DRGX: variants seen among roughly 807,000 people sequenced by gnomAD.
The protein encoded by DRGX is dorsal root ganglia homeobox, also known as dorsal root ganglia homeobox protein.
Under a neutral mutation model 28.6 loss-of-function variants are expected in DRGX, and 21 were observed. The observed-to-expected ratio is 0.73, with a 90% confidence interval of 0.52 to 1.06. DRGX has a LOEUF of 1.06. DRGX is among the 50% of genes least tolerant of loss of function. DRGX has a pLI of 0.00. For missense variants in DRGX, 354 were observed against 343.9 expected (o/e 1.03, Z -0.23); for synonymous variants, 136 against 139.1 (o/e 0.98, Z 0.16).
At chr10:49,380,702 T>C (rs566603720) in intron 6 of DRGX, among the ~76,000 whole-genome samples, 1 of 152,202 alleles carries the variant, frequency 6.6e-6, no homozygotes, top group African/African-American at 2.4e-5. Context: ...TGGTCAAAAA[T>C]TGGAGCAACA....
rs374285988 is a variant in DRGX, at chr10:49,386,729, G to A, written c.364C>T (p.Pro122Ser). 129 of 1,603,436 alleles carry A rather than the reference G, an allele frequency of 8.0e-5. 1 individual carries two copies. In the African/African-American group the frequency reaches 1.5e-3, roughly 18 times the overall value. The change falls in exon 5 of 7, where the codon CCT becomes TCT. Residue 122 changes from proline (P) to serine (S), a missense_variant. Pro to Ser is a moderately conservative substitution (Grantham distance 74). Coordinates refer to ENST00000374139, the MANE Select transcript of DRGX (RefSeq NM_001276451.2). ...PPVRNINSPP[P>S]GDQARSKKEA... ...TTCTTACTCCGGGCTTGGTCCCCAG[G>A]GGGCGGGGAGTTGATGTTTCTCACT... is the stretch of plus-strand genomic sequence containing the variant.
chr10:49,371,791 C>CAAAAAAAAA (rs563658320), intron 6 of DRGX, among the ~76,000 whole-genome samples: 1 of 45,492 alleles, frequency 2.2e-5, no homozygotes, highest in Non-Finnish European at 4.9e-5. Flanking sequence ...GACTCCATCT[C>CAAAAAAAAA]AAAAAAAAAA....
intron 6 of DRGX, among the ~76,000 whole-genome samples, chr10:49,379,235 G>A (rs1849747983): frequency 2.6e-5 from 4 of 152,184 alleles, no homozygotes; most frequent in Admixed American, 2.6e-4. Context: ...ATAAAAGTCA[G>A]CAGAGCGGTG....
At chr10:49,377,257 T>C (rs569838033) in intron 6 of DRGX, among the ~76,000 whole-genome samples, 1 of 152,322 alleles carries the variant, frequency 6.6e-6, no homozygotes, top group East Asian at 1.9e-4. Flanking sequence ...GGGGCAGAGG[T>C]AGGTGGAAGG....
At chr10:49,385,505 G>A (rs1243379828) in intron 6 of DRGX, among the ~76,000 whole-genome samples, 1 of 152,106 alleles carries the variant, frequency 6.6e-6, no homozygotes, top group Non-Finnish European at 1.5e-5. Context: ...CCTGGACACT[G>A]TCTAGGGAGA....
At chr10:49,391,738 G>T (rs141379056) in intron 2 of DRGX, 1 of 471,148 alleles carries the variant, frequency 2.1e-6, no homozygotes, top group Non-Finnish European at 4.4e-6. Context: ...AGGAGAGGCT[G>T]GGGGAGGAAA....
rs921483080 is a variant in DRGX, at chr10:49,364,506, TCAAA to T, written c.*1606_*1609del. On this transcript the variant is annotated 3_prime_UTR_variant, in exon 7 of 7. Coordinates refer to ENST00000374139, the MANE Select transcript of DRGX (RefSeq NM_001276451.2). ...CTTTCTGGAGGAAATACGAGTTTAATCAAACAATTAGATTGAAGAGTTAGTGTAC... is the reference window on the plus strand; with the variant it reads ...CTTTCTGGAGGAAATACGAGTTTAATCAATTAGATTGAAGAGTTAGTGTAC... The T allele has an allele frequency of 6.6e-6, 1 of 152,218 alleles. No homozygotes were observed. The highest frequency in any genetic ancestry group is 1.5e-5 in the Non-Finnish European group (1 of 68,036). The allele number at this position is 152,218 out of a possible 1,614,324, so 9.4% of individuals were successfully genotyped here.
At chr10:49,379,707 T>G (rs1430774726) in intron 6 of DRGX, among the ~76,000 whole-genome samples, 2 of 152,212 alleles carry the variant, frequency 1.3e-5, no homozygotes, top group Non-Finnish European at 2.9e-5. Context: ...TAGCACTCCC[T>G]TCCCCTGAAC....
At chr10:49,387,169 C>T (rs1484300711) in intron 4 of DRGX, among the ~76,000 whole-genome samples, 2 of 152,134 alleles carry the variant, frequency 1.3e-5, no homozygotes, top group Non-Finnish European at 2.9e-5. Context: ...AATGTATTTC[C>T]TACTGGAGGT....
At chr10:49,375,826 C>T (rs1278561967) in intron 6 of DRGX, among the ~76,000 whole-genome samples, 1 of 152,124 alleles carries the variant, frequency 6.6e-6, no homozygotes, top group Non-Finnish European at 1.5e-5. Flanking sequence ...CAGTCAGATG[C>T]CAATTCACAC....
intron 6 of DRGX, among the ~76,000 whole-genome samples, chr10:49,367,522 A>T (rs1253598175): frequency 1.3e-5 from 2 of 152,218 alleles, no homozygotes; most frequent in African/African-American, 4.8e-5. Context: ...AGAACTGTTA[A>T]CTGTTAGATA....
At chr10:49,385,734 C>T (rs189936032) in intron 6 of DRGX, among the ~76,000 whole-genome samples, 1 of 152,094 alleles carries the variant, frequency 6.6e-6, no homozygotes, top group Non-Finnish European at 1.5e-5. Flanking sequence ...TGCACCTATG[C>T]CTCCACCTCC....
At chr10:49,391,476 C>T (rs761622915) in intron 2 of DRGX, among the ~76,000 whole-genome samples, 1 of 152,190 alleles carries the variant, frequency 6.6e-6, no homozygotes, top group Non-Finnish European at 1.5e-5. Context: ...TTACATAGGG[C>T]GAGTGGTGAC....
chr10:49,379,978 G>A (rs1389332575), intron 6 of DRGX, among the ~76,000 whole-genome samples: 1 of 152,236 alleles, frequency 6.6e-6, no homozygotes, highest in African/African-American at 2.4e-5. Context: ...TGAGGAGGAA[G>A]GCAAGGAGTC....
chr10:49,382,019 T>A (rs1849781963), intron 6 of DRGX, among the ~76,000 whole-genome samples: 1 of 152,060 alleles, frequency 6.6e-6, no homozygotes, highest in Non-Finnish European at 1.5e-5. Flanking sequence ...GCCCCAGGGC[T>A]CAGCCCACAT....
chr10:49,391,501 T>C (rs1235380376), intron 2 of DRGX, among the ~76,000 whole-genome samples: 2 of 152,204 alleles, frequency 1.3e-5, no homozygotes, highest in Admixed American at 6.5e-5. Context: ...ATCCCCAAGA[T>C]GGCCAATTTC....
At chr10:49,393,978 A>C (rs1276692235) in intron 2 of DRGX, among the ~76,000 whole-genome samples, 1 of 152,156 alleles carries the variant, frequency 6.6e-6, no homozygotes, top group Non-Finnish European at 1.5e-5. Flanking sequence ...ACCCACTTTG[A>C]CCAGAAGGGT....
chr10:49,392,171 A>G (rs61848642), intron 2 of DRGX, among the ~76,000 whole-genome samples: 22,684 of 152,260 alleles, frequency 0.15, 2,140 homozygotes, highest in African/African-American at 0.27. Context: ...GCAAGTTGCC[A>G]TTAACCAGTG....
At chr10:49,372,416 C>T (rs1256453616) in intron 6 of DRGX, among the ~76,000 whole-genome samples, 1 of 152,120 alleles carries the variant, frequency 6.6e-6, no homozygotes, top group Non-Finnish European at 1.5e-5. Context: ...AAGTCTGGCC[C>T]CTGACCCCAC....
Sources: allele counts gnomAD v4.1 joint callset (sites outside exome capture counted in the v4.1 genomes callset), GRCh38; gene constraint gnomAD v4.1.1; transcripts MANE v1.5; gene names NCBI Gene and HGNC (gene_info 2026-07-23, HGNC 2026-07-21).